Variants in GPATCH3 observed in about 807,000 individuals in gnomAD.
GPATCH3 encodes the protein G-patch domain containing 3, also known as G patch domain-containing protein 3.
GPATCH3 carries 45 observed loss-of-function variants against 53.2 expected under a neutral mutation model. The ratio of observed to expected loss-of-function variants is 0.85; its 90% CI spans 0.67 to 1.08. The LOEUF (loss-of-function observed/expected upper bound fraction) is 1.08, where lower values mean the gene tolerates loss of function less well. Ranked by LOEUF, GPATCH3 falls within the 50% of genes least tolerant of loss-of-function variation. The pLI is 0.00. For synonymous variants in GPATCH3, 280 were observed against 270.6 expected, an observed-to-expected ratio of 1.03 and a Z score of -0.34; for missense variants, 680 against 687.2, an observed-to-expected ratio of 0.99 and a Z score of 0.12.
In GPATCH3 at chr1:26,897,497, C is replaced by T; in HGVS notation, c.680G>A (p.Gly227Asp). ...CACATTGCCGTAGCGCCGGGAGGAA[C>T]CTGTCTTGGGGAACTGGAGCTGCAG... ...TQLQLQFPKT[G>D]SSRRYGNVPF... The change falls in exon 2 of 7, where the codon GGT (glycine) becomes GAT (aspartate). Residue 227 changes from glycine to aspartate, a missense_variant. Gly to Asp is a moderately conservative substitution (Grantham distance 94, BLOSUM62 -1). Coordinates refer to ENST00000361720, the MANE Select transcript of GPATCH3 (RefSeq NM_022078.3). The T allele has an allele frequency of 6.2e-7, 1 of 1,614,212 alleles. No homozygotes were observed. Among genetic ancestry groups the T allele is most frequent in the Non-Finnish European group, 8.5e-7 (1 of 1,180,042 alleles).
At position 26,890,910 on chromosome 1, in the gene GPATCH3, C is replaced by T; in HGVS notation, c.*100G>A. 18 of 1,144,470 alleles carry T rather than the reference C, an allele frequency of 1.6e-5. No individual in the cohort carries two copies. The highest frequency in any genetic ancestry group is 2.1e-5 in the Non-Finnish European group (16 of 753,146). The allele number at this position is 1,144,470 out of a possible 1,614,324, so 70.9% of individuals were successfully genotyped here. ...GGAACAAAACACCCTGAACCAGCCACGAAGACTGCTGCTCCCAGACTCCTT... is the reference window on the plus strand; with the variant it reads ...GGAACAAAACACCCTGAACCAGCCATGAAGACTGCTGCTCCCAGACTCCTT... On this transcript the variant is annotated 3_prime_UTR_variant, in exon 7 of 7. Transcript: ENST00000361720.
At chr1:26,898,438 T>G (rs1028399573) in intron 1 of GPATCH3, among the ~76,000 whole-genome samples, 9 of 152,066 alleles carry the variant, frequency 5.9e-5, no homozygotes, top group African/African-American at 1.9e-4. Context: ...ATACTTCAGC[T>G]TCCCAAGTAG....
At chr1:26,893,003 C>A (rs773902081) in intron 4 of GPATCH3, 11 of 601,782 alleles carry the variant, frequency 1.8e-5, no homozygotes, top group Admixed American at 3.1e-5. Context: ...ACAGAGCCAA[C>A]AAATGACAGA....
At chr1:26,896,818 T>C (rs1453585666) in intron 2 of GPATCH3, among the ~76,000 whole-genome samples, 2 of 151,756 alleles carry the variant, frequency 1.3e-5, no homozygotes, top group Non-Finnish European at 2.9e-5. Context: ...GTCAGGAGAT[T>C]GAGACCATCC....
chr1:26,893,852 T>A (rs1163416059), intron 3 of GPATCH3, among the ~76,000 whole-genome samples: 2 of 152,042 alleles, frequency 1.3e-5, no homozygotes, highest in East Asian at 3.9e-4. Context: ...GGTCTCACTC[T>A]GTCCCCCAGG....
chr1:26,892,922 G>A, intron 4 of GPATCH3, 131 bp from the exon 5 acceptor site: 1 of 1,141,478 alleles, frequency 8.8e-7, no homozygotes, highest in Non-Finnish European at 1.3e-6. Context: ...ATTAGACTGG[G>A]AGCTCCCCAA....
chr1:26,890,939 G>T lies in GPATCH3; in HGVS notation c.*71C>A. ...GACTGCTGCTCCCAGACTCCTTTCT[G>T]CTTCAGTGGTAGATGAGGCCAGGGC... On this transcript the variant is annotated 3_prime_UTR_variant, in exon 7 of 7. Transcript: ENST00000361720. 1.4e-6 allele frequency: 2 copies of T among 1,380,488 alleles called. No homozygotes were observed. The highest frequency in any genetic ancestry group is 2.1e-6 in the Non-Finnish European group (2 of 967,872). The allele number at this position is 1,380,488 out of a possible 1,614,324, so 85.5% of individuals were successfully genotyped here.
chr1:26,891,863 G>A (rs992062265), intron 6 of GPATCH3, among the ~76,000 whole-genome samples: 3 of 151,994 alleles, frequency 2.0e-5, no homozygotes, highest in Non-Finnish European at 4.4e-5. Context: ...ACCCACTACC[G>A]TGCCCAGCTA....
At chr1:26,891,811 G>A (rs1420942930) in intron 6 of GPATCH3, among the ~76,000 whole-genome samples, 3 of 152,058 alleles carry the variant, frequency 2.0e-5, no homozygotes, top group African/African-American at 7.2e-5. Flanking sequence ...GGGTTCAAGC[G>A]ATTTTCCTGC....
At chr1:26,895,293 G>A (rs2081945885) in intron 2 of GPATCH3, among the ~76,000 whole-genome samples, 1 of 152,114 alleles carries the variant, frequency 6.6e-6, no homozygotes, top group Non-Finnish European at 1.5e-5. Flanking sequence ...GGGAGGCCAA[G>A]GTGGGAGGAT....
rs375027332 is a variant in GPATCH3 at position 26,890,796 on chromosome 1, C to T, written c.*214G>A. 3.9e-6 allele frequency: 3 copies of T among 762,696 alleles called. No homozygotes were observed. Among genetic ancestry groups the T allele is most frequent in the African/African-American group, 1.7e-5 (1 of 58,808 alleles). 47.2% of individuals were successfully genotyped at this position (762,696 alleles called of 1,614,324 possible). ...GGGTTAGAGACCAAAGACAAGCGGT[C>T]GTTACCCCTAATATCCAAGGGGAGG... On this transcript the variant is annotated 3_prime_UTR_variant, in exon 7 of 7. Transcript: ENST00000361720.
intron 2 of GPATCH3, among the ~76,000 whole-genome samples, chr1:26,896,710 A>G (rs111743726): frequency 0.059 from 8,693 of 147,464 alleles, 262 homozygotes; most frequent in Non-Finnish European, 0.067. Flanking sequence ...CAAAAAAAAA[A>G]AGAAAAAAAT....
Position 26,890,676 on chromosome 1 carries a change from C to CA in GPATCH3, c.*333dup, listed in dbSNP as rs2081919906. 1 of 459,382 alleles carries CA rather than the reference C, an allele frequency of 2.2e-6. No individual in the cohort carries two copies. The highest frequency in any genetic ancestry group is 2.0e-5 in the African/African-American group (1 of 50,038). The allele number at this position is 459,382 out of a possible 1,614,324, so 28.5% of individuals were successfully genotyped here. On this transcript the variant is annotated 3_prime_UTR_variant, in exon 7 of 7. Transcript: ENST00000361720. ...TCCCCCTTTCTGGCCTTCGTGGGGA[C>CA]ACCTTCAGAGTCCCCAAGGAAGGCT...
rs747210463 is a variant in GPATCH3, at chr1:26,897,385, G to A, written c.792C>T (p.Tyr264=). Residue 264 remains tyrosine, a synonymous_variant, in exon 2 of 7, where the codon TAC becomes TAT. Transcript: ENST00000361720. ...AGGGGCTGGCTGGTATATCTGCCAG[G>A]TAGGTTCCTTGGGGTATTTCTTCAC... is the stretch of plus-strand genomic sequence containing the variant. ...AEGEEIPQGT[Y]LADIPASPCG... 3 of 1,614,130 alleles carry A rather than the reference G, an allele frequency of 1.9e-6. No homozygotes were observed. In the Admixed American group the frequency reaches 5.0e-5, roughly 27 times the overall value.
chr1:26,893,518 A>C, intron 3 of GPATCH3, 70 bp from the exon 4 acceptor site: 5 of 650,676 alleles, frequency 7.7e-6, no homozygotes, highest in Non-Finnish European at 7.8e-6. Flanking sequence ...TTAAACCTAG[A>C]GTTTTTTTGG....
chr1:26,892,232 G>A (rs1208934624), intron 6 of GPATCH3, among the ~76,000 whole-genome samples, 179 bp downstream of exon 6: 2 of 152,162 alleles, frequency 1.3e-5, no homozygotes, highest in African/African-American at 4.8e-5. Context: ...GCCTCCCAAA[G>A]CGCTAGGATT....
chr1:26,893,341 G>A, intron 4 of GPATCH3, 48 bp downstream of exon 4: 1 of 1,449,310 alleles, frequency 6.9e-7, no homozygotes, highest in South Asian at 1.1e-5. Flanking sequence ...TCACTGCAAG[G>A]CCAGGGCACC....
At chr1:26,894,886 T>C (rs531550457) in intron 2 of GPATCH3, among the ~76,000 whole-genome samples, 86 of 152,134 alleles carry the variant, frequency 5.7e-4, no homozygotes, top group Non-Finnish European at 8.4e-4. Context: ...GCCCTTCCCA[T>C]AGCTTAGCTC....
In GPATCH3 at chr1:26,900,404, A is replaced by G. The variant is rs1237915215; in HGVS notation, c.39T>C (p.Val13=). ...VPGEAEEEAT[V]YLVVSGIPSV... ...AGGGGATACCGCTCACTACCAGGTA[A>G]ACTGTCGCCTCCTCCTCCGCCTCGC... is the stretch of plus-strand genomic sequence containing the variant. The change falls in exon 1 of 7, where the codon GTT becomes GTC. Residue 13 remains valine, a synonymous_variant. Transcript: ENST00000361720. The G allele has an allele frequency of 6.2e-7, 1 of 1,612,282 alleles. No homozygotes were observed. Among genetic ancestry groups the G allele is most frequent in the Non-Finnish European group, 8.5e-7 (1 of 1,178,760 alleles).
Sources: gnomAD v4.1 joint callset for allele counts (sites outside exome capture counted in the v4.1 genomes callset) on GRCh38, gnomAD v4.1.1 for gene constraint, MANE v1.5 for transcripts, NCBI Gene and HGNC (gene_info 2026-07-23, HGNC 2026-07-21) for gene names.